The following FMNL2 variants were observed in gnomAD, a reference collection of about 807,000 sequenced individuals.
The protein encoded by FMNL2 is formin like 2, also known as formin-like protein 2.
Under a neutral mutation model 130.2 loss-of-function variants are expected in FMNL2, and 51 were observed. That is an observed-to-expected ratio of 0.39 (90% CI 0.31 to 0.49). The LOEUF (loss-of-function observed/expected upper bound fraction) is 0.49, where lower values mean the gene tolerates loss of function less well. Among genes scored for constraint, FMNL2 ranks in the 20% least tolerant of loss-of-function variants. FMNL2 has a pLI of 0.85. For missense variants in FMNL2, 977 were observed against 1,316.2 expected, an observed-to-expected ratio of 0.74 and a Z score of 3.99; for synonymous variants, 465 against 467.1, an observed-to-expected ratio of 1.00 and a Z score of 0.06.
At chr2:152,617,009 T>C in intron 12 of FMNL2, 82 bp from the exon 13 acceptor site, 2 of 1,212,896 alleles carry the variant, frequency 1.6e-6, no homozygotes, top group South Asian at 2.7e-5. Flanking sequence ...TCCCTAATAA[T>C]CTTGGAGCTG....
chr2:152,603,636 A>G (rs1698208763), intron 9 of FMNL2, among the ~76,000 whole-genome samples: 1 of 150,856 alleles, frequency 6.6e-6, no homozygotes, highest in African/African-American at 2.4e-5. Flanking sequence ...TTTTAAAGTA[A>G]CAGGCTATGA....
intron 4 of FMNL2, among the ~76,000 whole-genome samples, chr2:152,557,472 C>T (rs562791241): frequency 1.3e-5 from 2 of 152,288 alleles, no homozygotes; most frequent in South Asian, 2.1e-4. Flanking sequence ...CCCACTTTGC[C>T]GCCTCCTGGA....
intron 2 of FMNL2, among the ~76,000 whole-genome samples, chr2:152,523,557 C>T (rs74866949): frequency 0.062 from 9,510 of 152,252 alleles, 454 homozygotes; most frequent in East Asian, 0.21. Flanking sequence ...TACTGGTGAA[C>T]AAAGATTATT....
chr2:152,525,140 A>G (rs1194725952), intron 2 of FMNL2, among the ~76,000 whole-genome samples: 1 of 152,184 alleles, frequency 6.6e-6, no homozygotes, highest in Non-Finnish European at 1.5e-5. Flanking sequence ...TCTACTCACA[A>G]GCTTTTTCAT....
intron 6 of FMNL2, among the ~76,000 whole-genome samples, chr2:152,566,802 G>C (rs1269895634): frequency 1.3e-5 from 2 of 152,192 alleles, no homozygotes; most frequent in African/African-American, 2.4e-5. Flanking sequence ...GTAGAGGTGA[G>C]AGTAAACAGC....
chr2:152,537,090 G>A (rs372517220), intron 2 of FMNL2, among the ~76,000 whole-genome samples: 30 of 152,288 alleles, frequency 2.0e-4, no homozygotes, highest in Non-Finnish European at 3.2e-4. Context: ...GGGAGAGGAC[G>A]AACCAAAGAA....
chr2:152,489,055 C>T (rs190468154), intron 1 of FMNL2, among the ~76,000 whole-genome samples: 62 of 152,246 alleles, frequency 4.1e-4, no homozygotes, highest in Admixed American at 9.8e-4. Context: ...TGAGCAACAG[C>T]GAGACCCTGT....
intron 1 of FMNL2, among the ~76,000 whole-genome samples, chr2:152,385,544 C>T (rs1170954250): frequency 6.6e-6 from 1 of 152,124 alleles, no homozygotes; most frequent in East Asian, 1.9e-4. Context: ...TGTTGTCGAC[C>T]AGATGGTCAT....
rs1681349677 is a variant in FMNL2 at position 152,335,542 on chromosome 2, T to C, written c.-62T>C. The C allele has an allele frequency of 4.9e-6, 7 of 1,425,442 alleles. No individual in the cohort carries two copies. The highest frequency in any genetic ancestry group is 4.8e-6 in the Non-Finnish European group (5 of 1,042,516). 88.3% of individuals were successfully genotyped at this position (1,425,442 alleles called of 1,614,324 possible). On this transcript the variant is annotated 5_prime_UTR_variant, in exon 1 of 26. Transcript: ENST00000288670. ...GCGGCAGCCGACCGCCGGGAGCTGT[T>C]CTGATTTCCGACGCGCACGCTAGGG...
chr2:152,475,329 C>T (rs954610231), intron 1 of FMNL2, among the ~76,000 whole-genome samples: 8 of 152,106 alleles, frequency 5.3e-5, no homozygotes, highest in Non-Finnish European at 8.8e-5. Context: ...TTTTATTTCC[C>T]TTTTTGATAT....
chr2:152,615,689 A>G (rs1268654909), intron 12 of FMNL2, among the ~76,000 whole-genome samples: 1 of 152,224 alleles, frequency 6.6e-6, no homozygotes, highest in Non-Finnish European at 1.5e-5. Flanking sequence ...AAAAGAATTA[A>G]CAGAAAAATG....
At chr2:152,418,976 CT>C (rs34491065) in intron 1 of FMNL2, among the ~76,000 whole-genome samples, 105,077 of 142,132 alleles carry the variant, frequency 0.74, 39,485 homozygotes, top group East Asian at 0.91. Flanking sequence ...GTGTCTTTTC[CT>C]TTTTTTTTTT....
chr2:152,478,326 C>T (rs982566285), intron 1 of FMNL2, among the ~76,000 whole-genome samples: 3 of 146,922 alleles, frequency 2.0e-5, no homozygotes, highest in African/African-American at 7.5e-5. Context: ...TCTTGGCTCA[C>T]TCCCGGGTTC....
chr2:152,476,165 G>A (rs918297997), intron 1 of FMNL2, among the ~76,000 whole-genome samples: 3 of 152,156 alleles, frequency 2.0e-5, no homozygotes, highest in African/African-American at 4.8e-5. Flanking sequence ...TGTCAGCAGT[G>A]TGGCTTCCTT....
intron 4 of FMNL2, among the ~76,000 whole-genome samples, chr2:152,550,450 T>A (rs557865722): frequency 1.3e-5 from 2 of 152,272 alleles, no homozygotes; most frequent in East Asian, 3.9e-4. Flanking sequence ...GGAAGAGAAA[T>A]TAAGAATTGC....
chr2:152,576,167 G>A (rs1185992841), intron 7 of FMNL2, among the ~76,000 whole-genome samples: 4 of 152,106 alleles, frequency 2.6e-5, no homozygotes, highest in Non-Finnish European at 5.9e-5. Context: ...TACATAGGTC[G>A]AGGGTTGGTG....
intron 1 of FMNL2, among the ~76,000 whole-genome samples, chr2:152,455,788 C>T (rs1688916619): frequency 1.3e-5 from 2 of 152,172 alleles, no homozygotes; most frequent in South Asian, 4.1e-4. Flanking sequence ...GATCATAGCT[C>T]ACTGCAACCT....
At chr2:152,506,977 T>C (rs896006601) in intron 1 of FMNL2, among the ~76,000 whole-genome samples, 1 of 152,242 alleles carries the variant, frequency 6.6e-6, no homozygotes, top group Non-Finnish European at 1.5e-5. Flanking sequence ...CATTTTCTCT[T>C]GTTACTTGCT....
intron 1 of FMNL2, among the ~76,000 whole-genome samples, chr2:152,408,283 T>C (rs1181453331): frequency 1.3e-5 from 2 of 152,206 alleles, no homozygotes; most frequent in African/African-American, 4.8e-5. Context: ...AATTCTACCT[T>C]GTATCTTTAT....
Sources: allele counts gnomAD v4.1 joint callset (sites outside exome capture counted in the v4.1 genomes callset), GRCh38; gene constraint gnomAD v4.1.1; transcripts MANE v1.5; gene names NCBI Gene and HGNC (gene_info 2026-07-23, HGNC 2026-07-21).